DACH1: variants seen among roughly 807,000 people sequenced by gnomAD.
DACH1 encodes dachshund family transcription factor 1, also known as dachshund homolog 1.
In DACH1, 12 loss-of-function variants were observed where a neutral mutation model predicts 54.2. The observed-to-expected ratio is 0.22, with a 90% CI of 0.14 to 0.36. The LOEUF (loss-of-function observed/expected upper bound fraction) is 0.36. Ranked by LOEUF, DACH1 falls within the 10% of genes least tolerant of loss-of-function variation. The pLI, the probability that DACH1 is intolerant of heterozygous loss-of-function variation, is 1.00. For synonymous variants in DACH1, 386 were observed against 366.2 expected (o/e 1.05, Z -0.62); for missense variants, 805 against 929.8 (o/e 0.87, Z 1.75).
intron 3 of DACH1, among the ~76,000 whole-genome samples, chr13:71,575,356 A>G (rs1442813906): frequency 1.3e-5 from 2 of 152,028 alleles, no homozygotes; most frequent in Non-Finnish European, 2.9e-5. Context: ...TAAAATATGG[A>G]GTGGAAAAAT....
At chr13:71,478,593 A>T (rs1233515852) in intron 8 of DACH1, among the ~76,000 whole-genome samples, 1 of 152,188 alleles carries the variant, frequency 6.6e-6, no homozygotes, top group Non-Finnish European at 1.5e-5. Context: ...CAGTTCACAG[A>T]TCAATAATAT....
chr13:71,627,131 A>T (rs1876706488), intron 3 of DACH1, among the ~76,000 whole-genome samples: 2 of 151,914 alleles, frequency 1.3e-5, no homozygotes, highest in Non-Finnish European at 2.9e-5. Context: ...ATATAAAATA[A>T]TTATTCACCA....
Position 71,598,071 on chromosome 13 carries a change from C to T in DACH1, c.1127-25059G>A, listed in dbSNP as rs1314312541. ...CTCCAGTCTGGGCAACAGAGCAAGA[C>T]CCTGTCAAAAAAAAAAAAAATAGGC... is the stretch of plus-strand genomic sequence containing the variant. On this transcript the variant is annotated intron_variant, in intron 3 of 10. Coordinates refer to ENST00000613252, the MANE Select transcript of DACH1 (RefSeq NM_080759.6). Among the ~76,000 whole-genome samples, 3 of 143,040 alleles carry T rather than the reference C, an allele frequency of 2.1e-5. No individual in the cohort carries two copies. In the Admixed American group the frequency reaches 2.1e-4, roughly 10 times the overall value. The allele number at this position is 143,040 out of a possible 152,430, so 93.8% of individuals were successfully genotyped here.
At chr13:71,562,587 G>A (rs1229778686) in intron 4 of DACH1, among the ~76,000 whole-genome samples, 1 of 151,974 alleles carries the variant, frequency 6.6e-6, no homozygotes, top group Non-Finnish European at 1.5e-5. Flanking sequence ...TTTATCACAG[G>A]TAACATGGAA....
Position 71,630,556 on chromosome 13 carries a change from C to A in DACH1, c.1126G>T (p.Gly376Ter). The A allele has an allele frequency of 6.3e-7, 1 of 1,580,710 alleles. No individual in the cohort carries two copies. Among genetic ancestry groups the A allele is most frequent in the Non-Finnish European group, 8.6e-7 (1 of 1,168,268 alleles). Residue 376 changes from glycine (G) to a stop codon, truncating the protein, a stop_gained and splice_region_variant, in exon 3 of 11, where the codon GGA becomes TGA. Transcript: ENST00000613252. LOFTEE classifies it high-confidence loss of function. The part of the protein sequence containing the change: ...SENGDMNSSV[G>*]LELPFMMMPH... ...AAGTTTCAGCGAACATAAAACTTAC[C>A]GACACTTGAATTCATGTCCCCGTTT... is the stretch of plus-strand genomic sequence containing the variant.
intron 5 of DACH1, among the ~76,000 whole-genome samples, chr13:71,559,582 G>A (rs1397664966): frequency 6.6e-6 from 1 of 152,074 alleles, no homozygotes; most frequent in South Asian, 2.1e-4. Context: ...CTGTTTCATA[G>A]CTCAAATCTT....
chr13:71,538,279 G>T (rs1158886600), intron 6 of DACH1, among the ~76,000 whole-genome samples: 1 of 151,790 alleles, frequency 6.6e-6, no homozygotes, highest in African/African-American at 2.4e-5. Context: ...TTTGATTACA[G>T]AGGTGATACA....
chr13:71,836,676 A>G (rs1180464810), intron 1 of DACH1, among the ~76,000 whole-genome samples: 1 of 152,074 alleles, frequency 6.6e-6, no homozygotes, highest in African/African-American at 2.4e-5. Context: ...AATGCCTTTG[A>G]GCTCTTCATA....
At chr13:71,471,646 G>A (rs1186694446) in intron 10 of DACH1, among the ~76,000 whole-genome samples, 1 of 151,844 alleles carries the variant, frequency 6.6e-6, no homozygotes, top group Non-Finnish European at 1.5e-5. Context: ...CAGCTACTCA[G>A]GAGGCTGAGG....
At chr13:71,817,603 A>T (rs911992134) in intron 1 of DACH1, among the ~76,000 whole-genome samples, 2 of 152,198 alleles carry the variant, frequency 1.3e-5, no homozygotes, top group Non-Finnish European at 2.9e-5. Flanking sequence ...ACATGCTATC[A>T]GTGTAAATGA....
At chr13:71,639,130 C>A (rs1408035236) in intron 2 of DACH1, among the ~76,000 whole-genome samples, 1 of 152,100 alleles carries the variant, frequency 6.6e-6, no homozygotes, top group African/African-American at 2.4e-5. Flanking sequence ...TTTTTTCACC[C>A]TGTTTTCCTC....
At chr13:71,611,544 C>T (rs963019688) in intron 3 of DACH1, among the ~76,000 whole-genome samples, 6 of 152,176 alleles carry the variant, frequency 3.9e-5, no homozygotes, top group Non-Finnish European at 8.8e-5. Context: ...CTTATACCTT[C>T]CGTATTTCAT....
chr13:71,748,181 A>T (rs1347340782), intron 1 of DACH1, among the ~76,000 whole-genome samples: 1 of 152,182 alleles, frequency 6.6e-6, no homozygotes, highest in Non-Finnish European at 1.5e-5. Flanking sequence ...TCTGAAAAAA[A>T]AAAAAGGAGC....
chr13:71,461,492 T>C (rs1876071279), intron 10 of DACH1, among the ~76,000 whole-genome samples: 1 of 152,068 alleles, frequency 6.6e-6, no homozygotes, highest in East Asian at 1.9e-4. Context: ...CTCAGGCTTC[T>C]ACATTGCTTT....
chr13:71,557,942 T>C (rs2138377963), intron 5 of DACH1, among the ~76,000 whole-genome samples: 1 of 151,828 alleles, frequency 6.6e-6, no homozygotes, highest in African/African-American at 2.4e-5. Flanking sequence ...TTGTAGTGTG[T>C]GATCATAGAT....
At chr13:71,611,849 C>G (rs1474461224) in intron 3 of DACH1, among the ~76,000 whole-genome samples, 1 of 151,928 alleles carries the variant, frequency 6.6e-6, no homozygotes, top group African/African-American at 2.4e-5. Context: ...TATTATTATT[C>G]ATAAAATTCC....
At chr13:71,723,275 G>A (rs968582847) in intron 1 of DACH1, among the ~76,000 whole-genome samples, 2 of 151,570 alleles carry the variant, frequency 1.3e-5, no homozygotes, top group East Asian at 1.9e-4. Context: ...TTAGTCCAGC[G>A]TGGTGGCACA....
chr13:71,720,176 G>A (rs983499840), intron 1 of DACH1, among the ~76,000 whole-genome samples: 1 of 152,162 alleles, frequency 6.6e-6, no homozygotes, highest in East Asian at 1.9e-4. Context: ...AAATGGACTA[G>A]TGAGTGCAAA....
intron 1 of DACH1, among the ~76,000 whole-genome samples, chr13:71,732,192 T>C (rs1883781659): frequency 6.6e-6 from 1 of 152,148 alleles, no homozygotes; most frequent in Non-Finnish European, 1.5e-5. Context: ...ATCTATAATG[T>C]CTACTTCAAA....
Sources: allele counts gnomAD v4.1 joint callset (sites outside exome capture counted in the v4.1 genomes callset), GRCh38; gene constraint gnomAD v4.1.1; transcripts MANE v1.5; gene names NCBI Gene and HGNC (gene_info 2026-07-23, HGNC 2026-07-21).